Variants in EFHD2 observed in about 807,000 individuals in gnomAD.
EFHD2 encodes the protein EF-hand domain-containing protein D2.
A neutral mutation model predicts 20.3 loss-of-function variants in EFHD2; 12 were observed. The observed-to-expected ratio is 0.59, with a 90% CI of 0.38 to 0.96. EFHD2 has a LOEUF of 0.96. EFHD2 is among the 40% of genes least tolerant of loss of function. EFHD2 has a pLI of 0.00. For synonymous variants in EFHD2, 131 were observed against 143.9 expected (o/e 0.91, Z 0.64); for missense variants, 250 against 334.3 (o/e 0.75, Z 1.97).
intron 1 of EFHD2, among the ~76,000 whole-genome samples, chr1:15,412,563 C>T (rs899925026): frequency 6.6e-6 from 1 of 152,188 alleles, no homozygotes; most frequent in Non-Finnish European, 1.5e-5. Flanking sequence ...CTTCCGTGTT[C>T]GTGGCGGATT....
chr1:15,417,371 T>C (rs1392264312), intron 1 of EFHD2, among the ~76,000 whole-genome samples: 4 of 152,226 alleles, frequency 2.6e-5, no homozygotes, highest in African/African-American at 4.8e-5. Flanking sequence ...ATAACAATAA[T>C]GACTATGAAG....
rs1557503458 is a variant in EFHD2 at position 15,428,803 on chromosome 1, C to T, written c.*79C>T. On this transcript the variant is annotated 3_prime_UTR_variant, in exon 4 of 4. Coordinates refer to ENST00000375980, the MANE Select transcript of EFHD2 (RefSeq NM_024329.6). ...GCGCATGGGAGGCCGAGCCTGAATC[C>T]TTGCCTGTGTCTGACGGGACCACTA... The T allele has an allele frequency of 9.7e-6, 15 of 1,539,254 alleles. No individual in the cohort carries two copies. The East Asian group carries it at 3.2e-4, about 33-fold the overall frequency.
In EFHD2 at chr1:15,410,291, C is replaced by G. The variant is rs753327565; in HGVS notation, c.308+12C>G. On this transcript the variant is annotated intron_variant, in intron 1 of 3. Coordinates refer to ENST00000375980, the MANE Select transcript of EFHD2 (RefSeq NM_024329.6). ...AAGATGTTCAAGCAGTAAGTGCCCG[C>G]GCGACCCGGCCCCCCGCCCGCCCCG... The G allele has an allele frequency of 9.5e-6, 15 of 1,580,438 alleles. No homozygotes were observed. Among genetic ancestry groups the G allele is most frequent in the Non-Finnish European group, 1.3e-5 (15 of 1,166,454 alleles).
At chr1:15,411,103 C>T (rs910442930) in intron 1 of EFHD2, among the ~76,000 whole-genome samples, 3 of 151,740 alleles carry the variant, frequency 2.0e-5, no homozygotes, top group African/African-American at 4.8e-5. Flanking sequence ...GCCTCCCTCC[C>T]GCTCCTGCCC....
chr1:15,424,097 C>T (rs569676481), intron 1 of EFHD2, among the ~76,000 whole-genome samples: 1 of 149,952 alleles, frequency 6.7e-6, no homozygotes, highest in South Asian at 2.1e-4. Context: ...GAGGCTGAGG[C>T]GGGAGGATCG....
At chr1:15,421,801 G>A (rs1056429190) in intron 1 of EFHD2, among the ~76,000 whole-genome samples, 4 of 152,224 alleles carry the variant, frequency 2.6e-5, no homozygotes, top group Admixed American at 1.3e-4. Context: ...TGGGACCTGT[G>A]GCCTCACCAA....
At chr1:15,422,839 C>T (rs534225004) in intron 1 of EFHD2, among the ~76,000 whole-genome samples, 226 of 152,118 alleles carry the variant, frequency 1.5e-3, no homozygotes, top group African/African-American at 5.3e-3. Flanking sequence ...CCAGCCTGGG[C>T]GACAGAGCGA....
Position 15,428,900 on chromosome 1 carries a change from C to T in EFHD2, c.*176C>T, listed in dbSNP as rs1389087336. Reference sequence around the variant, plus strand: ...ATGGAGGTGGCCCGGCCCCTCCCCGCTCCCTTCCACTCTGCACGAGGCCGC... The same window carrying T: ...ATGGAGGTGGCCCGGCCCCTCCCCGTTCCCTTCCACTCTGCACGAGGCCGC... On this transcript the variant is annotated 3_prime_UTR_variant, in exon 4 of 4. Transcript: ENST00000375980. 13 of 922,716 alleles carry T rather than the reference C, an allele frequency of 1.4e-5. No homozygotes were observed. The highest frequency in any genetic ancestry group is 1.9e-5 in the Non-Finnish European group (12 of 628,210). 57.2% of individuals were successfully genotyped at this position (922,716 alleles called of 1,614,324 possible).
Position 15,413,378 on chromosome 1 carries a change from G to A in EFHD2, c.308+3099G>A, listed in dbSNP as rs1707580580. Among the ~76,000 whole-genome samples, 1 of 152,164 alleles carries A rather than the reference G, an allele frequency of 6.6e-6. No individual in the cohort carries two copies. Among genetic ancestry groups the A allele is most frequent in the Non-Finnish European group, 1.5e-5 (1 of 68,022 alleles). On this transcript the variant is annotated intron_variant, in intron 1 of 3. Transcript: ENST00000375980. The surrounding 1 kb of genome is among the most constrained non-coding windows in gnomAD (Gnocchi z 4.4). ...TCCCTGGGCCTCAGTCTACCCACCT[G>A]TAAAAGGGGCAGGCTATCCCTCATG...
At chr1:15,420,546 G>A (rs796475204) in intron 1 of EFHD2, among the ~76,000 whole-genome samples, 65 of 146,328 alleles carry the variant, frequency 4.4e-4, no homozygotes, top group African/African-American at 1.8e-3. Flanking sequence ...TTGAGACAGT[G>A]TCTCACTTTG....
chr1:15,427,713 C>G (rs1235567298), intron 3 of EFHD2, among the ~76,000 whole-genome samples: 1 of 152,224 alleles, frequency 6.6e-6, no homozygotes, highest in Non-Finnish European at 1.5e-5. Context: ...ACACCCTCCC[C>G]TTTCAGCAGG....
intron 1 of EFHD2, among the ~76,000 whole-genome samples, chr1:15,420,535 T>A (rs866907763): frequency 8.4e-5 from 12 of 143,292 alleles, no homozygotes; most frequent in African/African-American, 1.8e-4. Flanking sequence ...TTATTTATTT[T>A]TTGAGACAGT....
intron 1 of EFHD2, among the ~76,000 whole-genome samples, chr1:15,412,283 G>T (rs1437660288): frequency 6.6e-6 from 1 of 152,080 alleles, no homozygotes; most frequent in Non-Finnish European, 1.5e-5. Context: ...CCATCGGGCA[G>T]TGCAGAGCTG....
intron 1 of EFHD2, among the ~76,000 whole-genome samples, chr1:15,418,529 T>C (rs185077426): frequency 1.3e-4 from 19 of 151,422 alleles, no homozygotes; most frequent in East Asian, 1.2e-3. Context: ...ATGGTCTCAA[T>C]CTCCTGACCT....
In EFHD2 at chr1:15,427,143, G is replaced by A. The variant is rs200619733; in HGVS notation, c.457-7G>A. The A allele has an allele frequency of 2.4e-5, 39 of 1,611,080 alleles. No individual in the cohort carries two copies. The highest frequency in any genetic ancestry group is 5.3e-5 in the African/African-American group (4 of 74,982). On this transcript the variant is annotated splice_polypyrimidine_tract_variant and splice_region_variant and intron_variant, in intron 2 of 3. Coordinates refer to ENST00000375980, the MANE Select transcript of EFHD2 (RefSeq NM_024329.6). ...CCTGACACCGCGCGCCTCCCTCCCC[G>A]CTGCAGTTCCTCCTGATCTTCCGCA...
At chr1:15,418,519 A>T (rs193263974) in intron 1 of EFHD2, among the ~76,000 whole-genome samples, 2 of 149,476 alleles carry the variant, frequency 1.3e-5, no homozygotes, top group Non-Finnish European at 3.0e-5. Context: ...GTTAGCCAGG[A>T]TGGTCTCAAT....
rs1707880974 is a variant in EFHD2 at position 15,426,977 on chromosome 1, G to T, written c.457-173G>T. On this transcript the variant is annotated intron_variant, in intron 2 of 3. Transcript: ENST00000375980. The surrounding 1 kb of genome is among the most constrained non-coding windows in gnomAD (Gnocchi z 4.6). ...ATATCTCCTCCCATTGTACAGTTGG[G>T]CAGAGGCCCAGTGAAGGGGCTCACG... 6.6e-6 allele frequency among the ~76,000 whole-genome samples: 1 copy of T among 152,158 alleles called. No homozygotes were observed. Among genetic ancestry groups the T allele is most frequent in the African/African-American group, 2.4e-5 (1 of 41,440 alleles).
chr1:15,427,914 G>A (rs577933939), intron 3 of EFHD2: 55 of 469,878 alleles, frequency 1.2e-4, no homozygotes, highest in African/African-American at 8.4e-4. Flanking sequence ...TGGGTGTGCC[G>A]CTGGGCTCCC....
chr1:15,425,033 T>G (rs1707850544), intron 1 of EFHD2, among the ~76,000 whole-genome samples: 1 of 152,170 alleles, frequency 6.6e-6, no homozygotes, highest in South Asian at 2.1e-4. Context: ...GGACAGCCCC[T>G]ACGGCAAGGA....
Sources: allele counts gnomAD v4.1 joint callset (sites outside exome capture counted in the v4.1 genomes callset), GRCh38; gene constraint gnomAD v4.1.1; non-coding constraint Gnocchi (gnomAD v3.1); transcripts MANE v1.5; gene names NCBI Gene and HGNC (gene_info 2026-07-23, HGNC 2026-07-21).